FHOD3: variants seen among roughly 807,000 people sequenced by gnomAD.
FHOD3 encodes the protein FH1/FH2 domain-containing protein 3.
Under a neutral mutation model 173.0 loss-of-function variants are expected in FHOD3, and 90 were observed. The ratio of observed to expected loss-of-function variants is 0.52; its 90% CI spans 0.44 to 0.62. FHOD3 has a LOEUF of 0.62. FHOD3 is among the 20% of genes least tolerant of loss of function. FHOD3 has a pLI of 0.00. For synonymous variants in FHOD3, 828 were observed against 823.0 expected, an observed-to-expected ratio of 1.01 and a Z score of -0.10; for missense variants, 1,945 against 2,034.7, an observed-to-expected ratio of 0.96 and a Z score of 0.85.
chr18:36,619,891 G>A (rs76963653), intron 9 of FHOD3, among the ~76,000 whole-genome samples: 22,181 of 152,214 alleles, frequency 0.15, 1,728 homozygotes, highest in African/African-American at 0.18. Context: ...GAGCATTGGA[G>A]GAGGTCAGGC....
At chr18:36,471,346 A>C (rs991822698) in intron 3 of FHOD3, among the ~76,000 whole-genome samples, 1 of 152,102 alleles carries the variant, frequency 6.6e-6, no homozygotes, top group Non-Finnish European at 1.5e-5. Flanking sequence ...ATCCTGCTTT[A>C]CTGTCTGCTT....
chr18:36,719,468 A>T (rs1169241825), intron 19 of FHOD3, among the ~76,000 whole-genome samples: 2 of 152,222 alleles, frequency 1.3e-5, no homozygotes, highest in East Asian at 3.8e-4. Flanking sequence ...CTAATTCCCT[A>T]CATTAGTAGA....
chr18:36,410,318 T>C (rs142839592), intron 3 of FHOD3, among the ~76,000 whole-genome samples: 26 of 152,342 alleles, frequency 1.7e-4, no homozygotes, highest in African/African-American at 6.3e-4. Context: ...GGTTCATCCA[T>C]GTTGTAGTAT....
At chr18:36,714,169 A>G (rs1346552788) in intron 18 of FHOD3, among the ~76,000 whole-genome samples, 1 of 152,210 alleles carries the variant, frequency 6.6e-6, no homozygotes, top group Non-Finnish European at 1.5e-5. Context: ...AAGGACAAAG[A>G]GGGTCACTAC....
chr18:36,488,034 A>C (rs987055300), intron 3 of FHOD3, among the ~76,000 whole-genome samples: 1 of 152,234 alleles, frequency 6.6e-6, no homozygotes, highest in African/African-American at 2.4e-5. Flanking sequence ...TTCATTACTG[A>C]ATAAACTCCC....
rs994199465 is a variant in FHOD3 at position 36,692,753 on chromosome 18, C to G, written c.2022-456C>G. On this transcript the variant is annotated intron_variant, in intron 16 of 28. Coordinates refer to ENST00000590592, the MANE Select transcript of FHOD3 (RefSeq NM_001281740.3). ...AGGTTCAGAAATTCAGAGAGGCAGG[C>G]CTTCATCCAAGCAACCCCCTTTGGT... is the stretch of plus-strand genomic sequence containing the variant. 2.6e-5 allele frequency among the ~76,000 whole-genome samples: 4 copies of G among 152,296 alleles called. No homozygotes were observed. The East Asian group carries it at 7.7e-4, about 29-fold the overall frequency.
At chr18:36,563,597 T>C (rs535124366) in intron 5 of FHOD3, among the ~76,000 whole-genome samples, 7 of 152,354 alleles carry the variant, frequency 4.6e-5, no homozygotes, top group African/African-American at 1.2e-4. Context: ...ATCTTATGAC[T>C]GCGTAAGCTC....
intron 6 of FHOD3, among the ~76,000 whole-genome samples, chr18:36,576,991 G>A (rs567411683): frequency 6.6e-6 from 1 of 152,086 alleles, no homozygotes; most frequent in South Asian, 2.1e-4. Context: ...TGCTCGGGAG[G>A]CTGAGGCAGG....
At chr18:36,721,595 T>C (rs1214533291) in intron 19 of FHOD3, among the ~76,000 whole-genome samples, 1 of 152,146 alleles carries the variant, frequency 6.6e-6, no homozygotes, top group Non-Finnish European at 1.5e-5. Flanking sequence ...TGCATTGAGC[T>C]GTGATCATGC....
chr18:36,427,527 T>C (rs538534499), intron 3 of FHOD3, among the ~76,000 whole-genome samples: 1 of 152,356 alleles, frequency 6.6e-6, no homozygotes, highest in East Asian at 1.9e-4. Flanking sequence ...TTTTATTATG[T>C]TGGGGAAGAC....
At chr18:36,532,014 G>A (rs2056802961) in intron 5 of FHOD3, among the ~76,000 whole-genome samples, 2 of 152,128 alleles carry the variant, frequency 1.3e-5, no homozygotes, top group South Asian at 4.1e-4. Flanking sequence ...TCTCCTGCCT[G>A]CCCTCAGCCT....
At chr18:36,386,518 GC>G in intron 3 of FHOD3, among the ~76,000 whole-genome samples, 1 of 152,350 alleles carries the variant, frequency 6.6e-6, no homozygotes, top group South Asian at 2.1e-4. Flanking sequence ...AGCTGTCTTG[GC>G]TTGGAATTGC....
At chr18:36,393,654 A>G (rs930774654) in intron 3 of FHOD3, among the ~76,000 whole-genome samples, 12 of 152,104 alleles carry the variant, frequency 7.9e-5, no homozygotes, top group Non-Finnish European at 1.6e-4. Context: ...TCCCCAGGAA[A>G]CCATTCTCCT....
chr18:36,297,810 C>T lies in FHOD3; in HGVS notation c.-26C>T, dbSNP rs1157013608. The stretch of plus-strand genomic sequence containing the variant: ...CCCGCGGCCCCGCTAACCCCGGGGC[C>T]CGCGCCCCCGCGGCAGGGATGCATC... On this transcript the variant is annotated 5_prime_UTR_variant, in exon 1 of 29. Transcript: ENST00000590592. The T allele has an allele frequency of 6.7e-7, 1 of 1,494,054 alleles. No individual in the cohort carries two copies. The highest frequency in any genetic ancestry group is 8.9e-7 in the Non-Finnish European group (1 of 1,120,184). 92.5% of individuals were successfully genotyped at this position (1,494,054 alleles called of 1,614,324 possible).
Position 36,779,961 on chromosome 18 carries a change from G to C in FHOD3, c.*431G>C. ...TTGTACACAAAAGAAAGCACAGATT[G>C]TTTACCTGTTGTGGATTTTAGATGT... On this transcript the variant is annotated 3_prime_UTR_variant, in exon 29 of 29. Transcript: ENST00000590592. 4.4e-6 allele frequency: 2 copies of C among 452,676 alleles called. No homozygotes were observed. Among genetic ancestry groups the C allele is most frequent in the Non-Finnish European group, 7.3e-6 (2 of 273,178 alleles). The allele number at this position is 452,676 out of a possible 1,614,324, so 28.0% of individuals were successfully genotyped here.
chr18:36,515,665 T>C (rs1490609083), intron 5 of FHOD3, among the ~76,000 whole-genome samples: 1 of 152,228 alleles, frequency 6.6e-6, no homozygotes, highest in African/African-American at 2.4e-5. Flanking sequence ...CCTGCCCTTC[T>C]ATGACATGCC....
At chr18:36,659,731 T>C (rs950056319) in intron 14 of FHOD3, among the ~76,000 whole-genome samples, 1 of 152,150 alleles carries the variant, frequency 6.6e-6, no homozygotes, top group African/African-American at 2.4e-5. Context: ...GTTATAAAGT[T>C]ATACAGACAG....
intron 3 of FHOD3, among the ~76,000 whole-genome samples, chr18:36,385,280 C>T (rs1047229521): frequency 6.6e-6 from 1 of 152,184 alleles, no homozygotes; most frequent in East Asian, 1.9e-4. Context: ...TAAAATTTTA[C>T]TTGTTCTTAC....
intron 5 of FHOD3, among the ~76,000 whole-genome samples, chr18:36,550,998 T>C (rs899385857): frequency 3.3e-5 from 5 of 152,200 alleles, no homozygotes; most frequent in Non-Finnish European, 5.9e-5. Flanking sequence ...CTCCCCATCC[T>C]AAAAGAAAAG....
Sources: allele counts gnomAD v4.1 joint callset (sites outside exome capture counted in the v4.1 genomes callset), GRCh38; gene constraint gnomAD v4.1.1; transcripts MANE v1.5; gene names NCBI Gene and HGNC (gene_info 2026-07-23, HGNC 2026-07-21).